The following ENOX2 variants were observed in gnomAD, a reference collection of about 807,000 sequenced individuals.
ENOX2 encodes ecto-NOX disulfide-thiol exchanger 2.
A neutral mutation model predicts 45.0 loss-of-function variants in ENOX2; 36 were observed. That is an observed-to-expected ratio of 0.80 (90% CI 0.61 to 1.06). The LOEUF (loss-of-function observed/expected upper bound fraction) is 1.06, where lower values mean the gene tolerates loss of function less well. Among genes scored for constraint, ENOX2 ranks in the 50% least tolerant of loss-of-function variants. ENOX2 has a pLI of 0.00. For synonymous variants in ENOX2, 174 were observed against 152.3 expected, an observed-to-expected ratio of 1.14 and a Z score of -1.05; for missense variants, 423 against 462.5, an observed-to-expected ratio of 0.91 and a Z score of 0.78.
chrX:130,777,125 T>C (rs745378112), intron 3 of ENOX2, among the ~76,000 whole-genome samples: 10 of 111,735 alleles, frequency 8.9e-5, no homozygotes, highest in Admixed American at 6.6e-4. Flanking sequence ...TGGTAATAAC[T>C]AGTTCTCATT....
intron 2 of ENOX2, among the ~76,000 whole-genome samples, chrX:130,881,916 C>G (rs771979008): frequency 3.6e-5 from 4 of 111,859 alleles, no homozygotes; most frequent in African/African-American, 1.3e-4. Flanking sequence ...AGAAAAACCT[C>G]TGGTGGTGCA....
At chrX:130,649,043 C>CAAAAAAAAAAAAAAAAAAAAAAA (rs35154919) in intron 10 of ENOX2, among the ~76,000 whole-genome samples, 1 of 6,799 alleles carries the variant, frequency 1.5e-4, no homozygotes, top group African/African-American at 3.1e-4. Flanking sequence ...GACTCCATAT[C>CAAAAAAAAAAAAAAAAAAAAAAA]AAAAAAAAAA....
chrX:130,871,846 G>A (rs1464963840), intron 2 of ENOX2, among the ~76,000 whole-genome samples: 1 of 111,373 alleles, frequency 9.0e-6, no homozygotes, highest in East Asian at 2.8e-4. Context: ...TCAAGTAATT[G>A]ATGCTAAAAT....
At chrX:130,827,239 G>C (rs1241932095) in intron 2 of ENOX2, among the ~76,000 whole-genome samples, 1 of 111,828 alleles carries the variant, frequency 8.9e-6, no homozygotes, top group Non-Finnish European at 1.9e-5. Context: ...TTTAGGCAGA[G>C]GCACAGCTAC....
At chrX:130,773,140 CTAAA>C (rs1235639305) in intron 3 of ENOX2, among the ~76,000 whole-genome samples, 1 of 112,158 alleles carries the variant, frequency 8.9e-6, no homozygotes, top group Admixed American at 9.5e-5. Context: ...CTTATTAAGA[CTAAA>C]TAAATATTCA....
intron 3 of ENOX2, among the ~76,000 whole-genome samples, chrX:130,741,283 T>C (rs1418213089): frequency 1.8e-5 from 2 of 111,041 alleles, no homozygotes; most frequent in Non-Finnish European, 3.8e-5. Flanking sequence ...GGAATATATA[T>C]ATGCCTTCTG....
At position 130,637,407 on chromosome X, in the gene ENOX2, A is replaced by G; in HGVS notation, c.1133T>C (p.Leu378Ser). ...TETKETEESALVSQAEALKEE... is the reference protein window; with the variant it reads ...TETKETEESASVSQAEALKEE... ...CTTCAGAGCTTCTGCCTGTGATACTAAGGCTAACAATCAATATAAAATATG... is the reference window on the plus strand; with the variant it reads ...CTTCAGAGCTTCTGCCTGTGATACTGAGGCTAACAATCAATATAAAATATG... The change falls in exon 11 of 15, where the codon TTA (leucine) becomes TCA (serine). Residue 378 changes from leucine to serine, a missense_variant. By Grantham distance (145) the Leu-to-Ser change is moderately radical (BLOSUM62 -2). This residue lies in a region of ENOX2 where 13 missense variants were observed against 29.8 expected (regional missense o/e 0.44). Transcript: ENST00000394363. 8.4e-7 allele frequency: 1 copy of G among 1,196,444 alleles called. No individual in the cohort carries two copies. The highest frequency in any genetic ancestry group is 1.1e-6 in the Non-Finnish European group (1 of 883,451).
At chrX:130,652,324 C>A (rs961901683) in intron 10 of ENOX2, among the ~76,000 whole-genome samples, 4 of 112,074 alleles carry the variant, frequency 3.6e-5, no homozygotes, top group Non-Finnish European at 5.6e-5. Context: ...CTCTTTCTTT[C>A]CTTCTCCCTT....
Position 130,839,034 on chromosome X carries a change from A to C in ENOX2, c.-182-55344T>G, listed in dbSNP as rs759028659. Among the ~76,000 whole-genome samples, 81 of 112,178 alleles carry C rather than the reference A, an allele frequency of 7.2e-4. 2 individuals are homozygous for C. The highest frequency in any genetic ancestry group is 6.0e-4 in the Non-Finnish European group (32 of 53,248). ...GCATTGCCGCCAAAGTGTCTCTTGC[A>C]ATCCATTTTATGTGGTTGCTTTCCA... On this transcript the variant is annotated intron_variant, in intron 2 of 14. Coordinates refer to ENST00000394363, the MANE Select transcript of ENOX2 (RefSeq NM_006375.4).
At chrX:130,834,929 A>C (rs2077903919) in intron 2 of ENOX2, among the ~76,000 whole-genome samples, 1 of 111,880 alleles carries the variant, frequency 8.9e-6, no homozygotes, top group African/African-American at 3.2e-5. Context: ...AGAGGCTTAT[A>C]ATGAAAGTGT....
intron 2 of ENOX2, among the ~76,000 whole-genome samples, chrX:130,821,207 C>T (rs956395563): frequency 1.8e-5 from 2 of 109,759 alleles, no homozygotes; most frequent in African/African-American, 6.6e-5. Flanking sequence ...ACCCAAATGA[C>T]TATAAATCAT....
Position 130,752,315 on chromosome X carries a change from ATC to A in ENOX2, c.-39+31230_-39+31231del, listed in dbSNP as rs780918696. ...TCTCTGTCCATTTAGTTGGCTCTCT[ATC>A]TCTCTACTTTCTGTCTTGCTCTCTG... On this transcript the variant is annotated intron_variant, in intron 3 of 14. Transcript: ENST00000394363. Among the ~76,000 whole-genome samples, 48 of 106,177 alleles carry A rather than the reference ATC, an allele frequency of 4.5e-4. 4 individuals carry two copies. In the East Asian group the frequency reaches 7.4e-3, roughly 16 times the overall value. 92.2% of individuals were successfully genotyped at this position (106,177 alleles called of 115,157 possible). A position where few individuals can be genotyped will look rare whatever the true frequency, so the allele number is the denominator to read the frequency against.
In ENOX2 at chrX:130,624,454, G is replaced by C. The variant is rs1339825992; in HGVS notation, c.*860C>G. ...GACTGTAAGAAGGCCAGAGGGGAAA[G>C]AATATTAATATAAATCCCTTCTGCC... On this transcript the variant is annotated 3_prime_UTR_variant, in exon 15 of 15. Coordinates refer to ENST00000394363, the MANE Select transcript of ENOX2 (RefSeq NM_006375.4). 1 of 112,811 alleles carries C rather than the reference G, an allele frequency of 8.9e-6. No individual in the cohort carries two copies. Among genetic ancestry groups the C allele is most frequent in the East Asian group, 2.8e-4 (1 of 3,614 alleles). The allele number at this position is 112,811 out of a possible 1,213,427, so 9.3% of individuals were successfully genotyped here. A position where few individuals can be genotyped will look rare whatever the true frequency, so the allele number is the denominator to read the frequency against.
At chrX:130,630,153 A>G (rs1269658206) in intron 13 of ENOX2, among the ~76,000 whole-genome samples, 3 of 111,154 alleles carry the variant, frequency 2.7e-5, no homozygotes, top group Non-Finnish European at 5.7e-5. Flanking sequence ...CTCTGAATGA[A>G]TTTTTACAGA....
chrX:130,625,805 T>A (rs2035528992), intron 14 of ENOX2, among the ~76,000 whole-genome samples: 1 of 110,952 alleles, frequency 9.0e-6, no homozygotes, highest in African/African-American at 3.3e-5. Flanking sequence ...TAGAAATGGC[T>A]GCCACCAGAG....
intron 4 of ENOX2, among the ~76,000 whole-genome samples, chrX:130,689,864 A>G (rs1372752379): frequency 9.0e-6 from 1 of 111,423 alleles, no homozygotes; most frequent in African/African-American, 3.3e-5. Flanking sequence ...ATCTACGTAC[A>G]TGGTTTGTTT....
At chrX:130,747,676 T>A (rs1376522125) in intron 3 of ENOX2, among the ~76,000 whole-genome samples, 3 of 112,706 alleles carry the variant, frequency 2.7e-5, no homozygotes, top group Non-Finnish European at 3.7e-5. Flanking sequence ...GCTTCTCTGC[T>A]GAGCAAGCTC....
At chrX:130,688,659 C>T (rs1416233113) in intron 5 of ENOX2, among the ~76,000 whole-genome samples, 2 of 111,944 alleles carry the variant, frequency 1.8e-5, no homozygotes, top group Non-Finnish European at 3.8e-5. Context: ...ATCATTTGTA[C>T]TGCAACCTGC....
At chrX:130,690,233 C>A (rs2037557954) in intron 4 of ENOX2, among the ~76,000 whole-genome samples, 1 of 111,533 alleles carries the variant, frequency 9.0e-6, no homozygotes, top group African/African-American at 3.3e-5. Context: ...CAAGGAGGAG[C>A]TGCTCTGGAC....
Sources: gnomAD v4.1 joint callset for allele counts (sites outside exome capture counted in the v4.1 genomes callset) on GRCh38, gnomAD v4.1.1 for gene constraint, gnomAD v4.1.1 regional missense constraint, MANE v1.5 for transcripts, NCBI Gene and HGNC (gene_info 2026-07-23, HGNC 2026-07-21) for gene names.